LYZL1: variants seen among roughly 807,000 people sequenced by gnomAD.
The protein encoded by LYZL1 is lysozyme-like protein 1.
In LYZL1, 16 loss-of-function variants were observed where a neutral mutation model predicts 17.9. That is an observed-to-expected ratio of 0.90 (90% CI 0.61 to 1.36). The LOEUF is 1.36. LYZL1 is among the 40% of genes most tolerant of loss of function. The probability of loss-of-function intolerance (pLI) is 0.00; values close to 1 mark genes in which losing one functional copy is unlikely to be tolerated. For missense variants in LYZL1, 149 were observed against 188.4 expected, an observed-to-expected ratio of 0.79 and a Z score of 1.22; for synonymous variants, 58 against 71.8, an observed-to-expected ratio of 0.81 and a Z score of 0.97.
chr10:29,314,852 C>G (rs566442620), downstream of LYZL1, among the ~76,000 whole-genome samples: 1 of 152,142 alleles, frequency 6.6e-6, no homozygotes, highest in African/African-American at 2.4e-5. Flanking sequence ...GGGGCCACAG[C>G]GCAATGGCAG....
intron 3 of LYZL1, among the ~76,000 whole-genome samples, chr10:29,293,749 G>C (rs1340475651): frequency 2.6e-5 from 4 of 152,020 alleles, no homozygotes; most frequent in African/African-American, 9.7e-5. Context: ...GAGGCAGGTA[G>C]ATAACCTGAG....
chr10:29,291,658 A>C (rs187627062), intron 1 of LYZL1, among the ~76,000 whole-genome samples, 185 bp from the exon 2 acceptor site: 3 of 152,122 alleles, frequency 2.0e-5, no homozygotes, highest in African/African-American at 2.4e-5. Context: ...ATGGAAAAGC[A>C]TTAAGGAAAC....
At position 29,292,094 on chromosome 10, in the gene LYZL1, T is replaced by C. The variant is rs373655592; in HGVS notation, c.139+88T>C. On this transcript the variant is annotated intron_variant, in intron 2 of 4. Transcript: ENST00000649382. ...CCTGGCCACACTCCCTGCTGTGTCT[T>C]CCCAACTACCCCTGCTCTGCCCTCA... is the stretch of plus-strand genomic sequence containing the variant. 1.4e-3 allele frequency: 2,086 copies of C among 1,492,518 alleles called. 8 individuals are homozygous for C. The highest frequency in any genetic ancestry group is 6.4e-3 in the African/African-American group (457 of 71,730). 92.5% of individuals were successfully genotyped at this position (1,492,518 alleles called of 1,614,324 possible). A position where few individuals can be genotyped will look rare whatever the true frequency, so the allele number is the denominator to read the frequency against.
chr10:29,307,213 C>T lies in LYZL1; in HGVS notation c.299-2897C>T, dbSNP rs569421946. On this transcript the variant is annotated intron_variant, in intron 3 of 4. Coordinates refer to ENST00000649382, the MANE Select transcript of LYZL1 (RefSeq NM_032517.6). ...AATTAACTATGGTCACCATATTGTA[C>T]ATTAGATCCCCAGTCCTTCCTCACC... Among the ~76,000 whole-genome samples, 8 of 152,258 alleles carry T rather than the reference C, an allele frequency of 5.3e-5. No homozygotes were observed. In the East Asian group the frequency reaches 1.5e-3, roughly 29 times the overall value.
chr10:29,293,499 A>G (rs955895982), intron 3 of LYZL1, among the ~76,000 whole-genome samples: 2 of 152,190 alleles, frequency 1.3e-5, no homozygotes, highest in Non-Finnish European at 2.9e-5. Context: ...TACTTTAGTC[A>G]TTCCAGAAAT....
chr10:29,313,419 T>C (rs1218025547), downstream of LYZL1, among the ~76,000 whole-genome samples: 1 of 152,246 alleles, frequency 6.6e-6, no homozygotes, highest in Non-Finnish European at 1.5e-5. Context: ...CACCTATTTA[T>C]GAGCTAAGTT....
intron 3 of LYZL1, among the ~76,000 whole-genome samples, chr10:29,296,442 TA>T (rs1414128141): frequency 6.6e-6 from 1 of 152,204 alleles, no homozygotes; most frequent in African/African-American, 2.4e-5. Context: ...AAGACACATT[TA>T]AAGTTCACTT....
rs1418174805 is a variant in LYZL1, at chr10:29,292,224, C to T, written c.139+218C>T. On this transcript the variant is annotated intron_variant, in intron 2 of 4. Coordinates refer to ENST00000649382, the MANE Select transcript of LYZL1 (RefSeq NM_032517.6). ...TTCCTGGAGTCCTGTCCTTATGACACTAGCCAGGGAAGGGGAAAATAATGC... is the reference window on the plus strand; with the variant it reads ...TTCCTGGAGTCCTGTCCTTATGACATTAGCCAGGGAAGGGGAAAATAATGC... Among the ~76,000 whole-genome samples the T allele has an allele frequency of 5.3e-5, 8 of 150,356 alleles. No individual in the cohort carries two copies. In the East Asian group the frequency reaches 1.6e-3, roughly 30 times the overall value.
downstream of LYZL1, among the ~76,000 whole-genome samples, chr10:29,312,259 A>G (rs972024912): frequency 2.6e-5 from 4 of 152,176 alleles, no homozygotes; most frequent in Non-Finnish European, 5.9e-5. Context: ...TCCCCATGTT[A>G]TTCCACTTCT....
chr10:29,301,150 G>C (rs530050833), intron 3 of LYZL1, among the ~76,000 whole-genome samples: 28 of 152,244 alleles, frequency 1.8e-4, no homozygotes, highest in Admixed American at 9.8e-4. Context: ...CTGTTCTCTT[G>C]ATAGTGAATG....
At chr10:29,301,515 G>A (rs1252745093) in intron 3 of LYZL1, among the ~76,000 whole-genome samples, 1 of 152,052 alleles carries the variant, frequency 6.6e-6, no homozygotes, top group East Asian at 1.9e-4. Context: ...ATATTCCATT[G>A]CCTTCTGTCT....
At chr10:29,305,380 A>G (rs1835576210) in intron 3 of LYZL1, among the ~76,000 whole-genome samples, 2 of 152,234 alleles carry the variant, frequency 1.3e-5, no homozygotes. Context: ...TTCTGTTGGA[A>G]GAAGAGATCA....
At chr10:29,309,722 C>T (rs931942021) in intron 3 of LYZL1, among the ~76,000 whole-genome samples, 1 of 152,168 alleles carries the variant, frequency 6.6e-6, no homozygotes, top group Non-Finnish European at 1.5e-5. Flanking sequence ...ACTCAAACTC[C>T]TGGCCTCAAG....
downstream of LYZL1, among the ~76,000 whole-genome samples, chr10:29,316,055 G>A (rs944000431): frequency 2.0e-5 from 3 of 152,084 alleles, no homozygotes; most frequent in Admixed American, 6.6e-5. Context: ...TACACACAGC[G>A]ATGTCAGGGG....
At chr10:29,314,112 T>C (rs1340515423), downstream of LYZL1, among the ~76,000 whole-genome samples, 1 of 152,182 alleles carries the variant, frequency 6.6e-6, no homozygotes, top group Non-Finnish European at 1.5e-5. Context: ...GTTTTTCCCA[T>C]ACATGGAGGT....
chr10:29,293,414 G>T (rs916709184), intron 3 of LYZL1, among the ~76,000 whole-genome samples: 4 of 152,002 alleles, frequency 2.6e-5, no homozygotes, highest in Non-Finnish European at 5.9e-5. Context: ...ATAGTTATTG[G>T]TGTGGGCCAG....
chr10:29,310,850 C>A, intron 4 of LYZL1, 140 bp from the exon 5 acceptor site: 4 of 1,245,262 alleles, frequency 3.2e-6, no homozygotes, highest in Non-Finnish European at 4.6e-6. Flanking sequence ...AAAAGGACAG[C>A]ATCCTTGAAG....
At chr10:29,311,352 T>A, downstream of LYZL1, 2 of 808,084 alleles carry the variant, frequency 2.5e-6, no homozygotes, top group Non-Finnish European at 3.3e-6. Flanking sequence ...TCCTGGTTTC[T>A]GTGGCCCTGA....
Position 29,311,152 on chromosome 10 carries a change from A to G in LYZL1, c.*93A>G, listed in dbSNP as rs41283740. On this transcript the variant is annotated 3_prime_UTR_variant, in exon 5 of 5. Transcript: ENST00000649382. ...TGTCATCTTGTCCCGTTTCCTCCCA[A>G]TATTCCTTCTCAAACTTGGAGAGGG... 72,346 of 1,608,852 alleles carry G rather than the reference A, an allele frequency of 0.045. 1,805 individuals carry two copies. Among genetic ancestry groups the G allele is most frequent in the Middle Eastern group, 0.089 (535 of 6,024 alleles).
Sources: allele counts gnomAD v4.1 joint callset (sites outside exome capture counted in the v4.1 genomes callset), GRCh38; gene constraint gnomAD v4.1.1; transcripts MANE v1.5; gene names NCBI Gene and HGNC (gene_info 2026-07-23, HGNC 2026-07-21).